The following PCDHA5 variants were observed in gnomAD, a reference collection of about 807,000 sequenced individuals.
PCDHA5 encodes protocadherin alpha-5.
In PCDHA5, 43 loss-of-function variants were observed where a neutral mutation model predicts 61.6. The observed-to-expected ratio is 0.70, with a 90% CI of 0.55 to 0.90. The LOEUF (loss-of-function observed/expected upper bound fraction) is 0.90, where lower values mean the gene tolerates loss of function less well. PCDHA5 is among the 40% of genes least tolerant of loss of function. The pLI is 0.00. For synonymous variants in PCDHA5, 627 were observed against 543.9 expected (o/e 1.15, Z -2.13); for missense variants, 1,298 against 1,222.7 (o/e 1.06, Z -0.92).
rs1488505557 is a variant in PCDHA5 at position 140,967,448 on chromosome 5, A to G, written c.2353-11501A>G. The G allele has an allele frequency of 6.8e-6, 11 of 1,613,462 alleles. No individual in the cohort carries two copies. Among genetic ancestry groups the G allele is most frequent in the Non-Finnish European group, 9.3e-6 (11 of 1,179,888 alleles). On this transcript the variant is annotated intron_variant, in intron 1 of 3. Transcript: ENST00000529859. ...GGCAGCCTTGCACCACCTGGTTCTC[A>G]CAGCCGTGGATGGGGGCATCCCAGC...
At chr5:140,828,585 A>G in intron 1 of PCDHA5, 1 of 1,614,250 alleles carries the variant, frequency 6.2e-7, no homozygotes, top group South Asian at 1.1e-5. Context: ...GTTGGCTCAA[A>G]TTCCATCTTA....
intron 2 of PCDHA5, chr5:140,982,212 C>A: frequency 2.1e-6 from 1 of 479,448 alleles, no homozygotes; most frequent in Non-Finnish European, 3.3e-6. Flanking sequence ...GTGAGCGCCA[C>A]ATGGCGTTAA....
At chr5:140,900,713 G>A (rs1367112592) in intron 1 of PCDHA5, among the ~76,000 whole-genome samples, 1 of 152,194 alleles carries the variant, frequency 6.6e-6, no homozygotes, top group Non-Finnish European at 1.5e-5. Context: ...TGGAAAGAAA[G>A]GAAATCCTAC....
At chr5:140,843,023 C>A (rs2150350362) in intron 1 of PCDHA5, 2 of 1,595,030 alleles carry the variant, frequency 1.3e-6, no homozygotes. Context: ...ACTGCTGGAG[C>A]CTCGGGTGGG....
At chr5:140,949,721 A>G (rs1466646683) in intron 1 of PCDHA5, among the ~76,000 whole-genome samples, 1 of 151,690 alleles carries the variant, frequency 6.6e-6, no homozygotes, top group East Asian at 1.9e-4. Context: ...CATTTTGATA[A>G]TATCTGCTTT....
intron 1 of PCDHA5, among the ~76,000 whole-genome samples, chr5:140,912,961 G>C (rs1370850871): frequency 6.6e-6 from 1 of 151,844 alleles, no homozygotes; most frequent in African/African-American, 2.4e-5. Context: ...ATCCCACTTG[G>C]TCTTTTAACT....
chr5:140,848,313 C>G lies in PCDHA5; in HGVS notation c.2352+24186C>G, dbSNP rs1781433977. ...TGGGCCACGTGATGTCACTCTTTGCCGCGATGTTCTCTCTGAATCCAGACA... is the reference window on the plus strand; with the variant it reads ...TGGGCCACGTGATGTCACTCTTTGCGGCGATGTTCTCTCTGAATCCAGACA... On this transcript the variant is annotated intron_variant, in intron 1 of 3. Transcript: ENST00000529859. 8 of 730,624 alleles carry G rather than the reference C, an allele frequency of 1.1e-5. 1 individual carries two copies. Among genetic ancestry groups the G allele is most frequent in the Non-Finnish European group, 1.8e-5 (8 of 440,500 alleles). The allele number at this position is 730,624 out of a possible 1,614,324, so 45.3% of individuals were successfully genotyped here.
chr5:140,867,596 G>C (rs1388910756), intron 1 of PCDHA5: 2 of 152,076 alleles, frequency 1.3e-5, no homozygotes, highest in African/African-American at 2.4e-5. Context: ...TTAGATTGGA[G>C]ATAAACCATC....
intron 1 of PCDHA5, chr5:140,835,485 G>A (rs371322976): frequency 6.2e-7 from 1 of 1,613,896 alleles, no homozygotes; most frequent in Non-Finnish European, 8.5e-7. Flanking sequence ...ACCAGGTACC[G>A]TCATCACATT....
In PCDHA5 at chr5:140,848,948, G is replaced by C. The variant is rs2150426215; in HGVS notation, c.2352+24821G>C. ...CGGAATCCAGGCCGCTTGACTCTCG[G>C]TTTCCACTAGAGGGCGCGTCCGATG... On this transcript the variant is annotated intron_variant, in intron 1 of 3. Coordinates refer to ENST00000529859, the MANE Select transcript of PCDHA5 (RefSeq NM_018908.3). 8.1e-6 allele frequency: 13 copies of C among 1,607,010 alleles called. No homozygotes were observed. The African/African-American group carries it at 1.8e-4, about 22-fold the overall frequency.
intron 1 of PCDHA5, among the ~76,000 whole-genome samples, chr5:140,931,398 T>C: frequency 6.6e-6 from 1 of 152,112 alleles, no homozygotes; most frequent in African/African-American, 2.4e-5. Context: ...AAGTAAGCGA[T>C]AGGAAGGCTG....
chr5:140,836,804 T>A, intron 1 of PCDHA5: 12 of 1,321,042 alleles, frequency 9.1e-6, no homozygotes, highest in Non-Finnish European at 9.3e-6. Context: ...CTCCTTAAAT[T>A]TTCTTTCATA....
intron 1 of PCDHA5, among the ~76,000 whole-genome samples, chr5:140,881,147 A>T (rs982102013): frequency 1.3e-5 from 2 of 152,356 alleles, no homozygotes; most frequent in East Asian, 3.9e-4. Context: ...ATAACAATAG[A>T]TAAAAGTAAG....
intron 1 of PCDHA5, chr5:140,834,303 G>T (rs2150215099): frequency 7.6e-7 from 1 of 1,308,316 alleles, no homozygotes; most frequent in Admixed American, 2.2e-5. Context: ...CACACATCGA[G>T]ATTGAAATGA....
intron 1 of PCDHA5, chr5:140,876,448 G>C (rs2056350590): frequency 1.2e-6 from 2 of 1,614,008 alleles, no homozygotes; most frequent in East Asian, 4.5e-5. Flanking sequence ...CATTGATAAA[G>C]GGATTCCTTC....
At chr5:140,858,561 C>T in intron 1 of PCDHA5, 1 of 1,370,342 alleles carries the variant, frequency 7.3e-7, no homozygotes, top group Non-Finnish European at 1.0e-6. Flanking sequence ...TTGAATATTT[C>T]TAGTGATACC....
intron 1 of PCDHA5, chr5:140,966,278 T>TGG (rs1173319352): frequency 3.6e-5 from 13 of 363,192 alleles, no homozygotes; most frequent in Admixed American, 2.8e-4. Context: ...AACTGGACAG[T>TGG]GGGGGTAGGG....
intron 1 of PCDHA5, among the ~76,000 whole-genome samples, chr5:140,839,815 A>G (rs1776430186): frequency 6.6e-6 from 1 of 152,044 alleles, no homozygotes; most frequent in Admixed American, 6.6e-5. Context: ...ATTGCCTACT[A>G]TGAAGGCATT....
At chr5:140,988,959 C>G (rs1308701267) in intron 3 of PCDHA5, 3 of 152,056 alleles carry the variant, frequency 2.0e-5, no homozygotes, top group Non-Finnish European at 4.4e-5. Context: ...CCTTCAAGCC[C>G]CACGATGGAG....
Sources: gnomAD v4.1 joint callset for allele counts (sites outside exome capture counted in the v4.1 genomes callset) on GRCh38, gnomAD v4.1.1 for gene constraint, MANE v1.5 for transcripts, NCBI Gene and HGNC (gene_info 2026-07-23, HGNC 2026-07-21) for gene names.